COL13A1: variants seen among roughly 807,000 people sequenced by gnomAD.
COL13A1 encodes the protein collagen alpha-1(XIII) chain.
COL13A1 carries 89 observed loss-of-function variants against 130.9 expected under a neutral mutation model. The observed-to-expected ratio is 0.68, with a 90% CI of 0.57 to 0.81. COL13A1 has a LOEUF of 0.81. Ranked by LOEUF, COL13A1 falls within the 30% of genes least tolerant of loss-of-function variation. COL13A1 has a pLI of 0.00. For synonymous variants in COL13A1, 402 were observed against 341.6 expected (o/e 1.18, Z -1.95); for missense variants, 879 against 934.6 (o/e 0.94, Z 0.78).
chr10:69,865,688 A>G (rs2058449770), intron 2 of COL13A1, among the ~76,000 whole-genome samples: 1 of 152,212 alleles, frequency 6.6e-6, no homozygotes, highest in Non-Finnish European at 1.5e-5. Flanking sequence ...GGAAGAGCCA[A>G]ATTCCCTTGC....
chr10:69,844,629 C>T (rs998458265), intron 2 of COL13A1, among the ~76,000 whole-genome samples: 1 of 152,232 alleles, frequency 6.6e-6, no homozygotes, highest in Non-Finnish European at 1.5e-5. Flanking sequence ...GAAGGGTTAA[C>T]TAGCAATGTT....
chr10:69,928,901 G>A (rs2065735784), intron 27 of COL13A1, 36 bp from the exon 28 acceptor site: 2 of 1,557,064 alleles, frequency 1.3e-6, no homozygotes, highest in South Asian at 1.1e-5. Flanking sequence ...TCCTCCATGG[G>A]ACAGTTCTTC....
chr10:69,933,833 G>A (rs990633599), intron 31 of COL13A1, among the ~76,000 whole-genome samples: 14 of 152,118 alleles, frequency 9.2e-5, no homozygotes, highest in African/African-American at 2.7e-4. Context: ...TAGTCACCAC[G>A]TCTGAGCACT....
intron 30 of COL13A1, 148 bp downstream of exon 30, chr10:69,930,700 C>T: frequency 2.2e-6 from 2 of 911,706 alleles, no homozygotes; most frequent in Non-Finnish European, 3.2e-6. Flanking sequence ...ATTCACTCAG[C>T]TTCCCCTCAA....
chr10:69,877,821 C>G (rs2059755233), intron 5 of COL13A1, among the ~76,000 whole-genome samples: 1 of 152,136 alleles, frequency 6.6e-6, no homozygotes, highest in Non-Finnish European at 1.5e-5. Flanking sequence ...CACATTGCAG[C>G]AGCGCCTTCC....
At chr10:69,857,685 C>T (rs943546280) in intron 2 of COL13A1, among the ~76,000 whole-genome samples, 7 of 151,706 alleles carry the variant, frequency 4.6e-5, no homozygotes, top group African/African-American at 1.7e-4. Flanking sequence ...TTAGGGACTG[C>T]TGCCCTAGAA....
Position 69,905,782 on chromosome 10 carries a change from C to T in COL13A1, c.886-5C>T. On this transcript the variant is annotated splice_polypyrimidine_tract_variant and splice_region_variant and intron_variant, in intron 16 of 40. Transcript: ENST00000645393. ...TCTTTAATGGCCTTCTCTTTGTTTT[C>T]CCAGGGAGACCCAGGGATCCAGGGC... is the stretch of plus-strand genomic sequence containing the variant. The T allele has an allele frequency of 6.2e-7, 1 of 1,613,324 alleles. No homozygotes were observed. Among genetic ancestry groups the T allele is most frequent in the South Asian group, 1.1e-5 (1 of 90,796 alleles).
At chr10:69,841,609 T>C (rs975341864) in intron 2 of COL13A1, among the ~76,000 whole-genome samples, 2 of 152,128 alleles carry the variant, frequency 1.3e-5, no homozygotes, top group Admixed American at 6.5e-5. Flanking sequence ...GACTTACGGT[T>C]CAGTCAGGGA....
At chr10:69,910,229 G>A (rs565055717) in intron 17 of COL13A1, among the ~76,000 whole-genome samples, 1 of 151,910 alleles carries the variant, frequency 6.6e-6, no homozygotes, top group South Asian at 2.1e-4. Context: ...TAACACGAAG[G>A]GTGGCTTGGT....
chr10:69,887,446 T>A lies in COL13A1; in HGVS notation c.514-10T>A, dbSNP rs1455383671. On this transcript the variant is annotated splice_polypyrimidine_tract_variant and intron_variant, in intron 7 of 40. Coordinates refer to ENST00000645393, the MANE Select transcript of COL13A1 (RefSeq NM_001368882.1). ...TCAATCTCATGTGTCTCTTGTTTTTTTTTTTTCAGGGTCAACCAGGAACTA... is the reference window on the plus strand; with the variant it reads ...TCAATCTCATGTGTCTCTTGTTTTTATTTTTTCAGGGTCAACCAGGAACTA... The A allele has an allele frequency of 6.2e-7, 1 of 1,613,072 alleles. No homozygotes were observed. Among genetic ancestry groups the A allele is most frequent in the Non-Finnish European group, 8.5e-7 (1 of 1,179,646 alleles).
At chr10:69,821,433 A>G (rs112400720) in intron 1 of COL13A1, among the ~76,000 whole-genome samples, 2 of 152,316 alleles carry the variant, frequency 1.3e-5, no homozygotes, top group African/African-American at 4.8e-5. Flanking sequence ...CAAGTCCCTT[A>G]CCTGTGACAT....
At position 69,905,096 on chromosome 10, in the gene COL13A1, T is replaced by C. The variant is rs56314588; in HGVS notation, c.885+137T>C. 1.1e-3 allele frequency: 1,095 copies of C among 970,108 alleles called. 4 individuals are homozygous for C. In the Middle Eastern group the frequency reaches 0.019, roughly 17 times the overall value. 60.1% of individuals were successfully genotyped at this position (970,108 alleles called of 1,614,324 possible). Reference sequence around the variant, plus strand: ...AGAGACAGATCAAGCTTGACCCACTTACAAAACACCACCCTTCTCAGGAAC... The same window carrying C: ...AGAGACAGATCAAGCTTGACCCACTCACAAAACACCACCCTTCTCAGGAAC... On this transcript the variant is annotated intron_variant, in intron 16 of 40. Coordinates refer to ENST00000645393, the MANE Select transcript of COL13A1 (RefSeq NM_001368882.1).
chr10:69,956,592 G>C (rs1248183447), intron 39 of COL13A1: 1 of 188,140 alleles, frequency 5.3e-6, no homozygotes, highest in Non-Finnish European at 1.1e-5. Flanking sequence ...AAGGCCCTTA[G>C]CGGTCACATC....
chr10:69,931,552 A>G (rs1209949306), intron 30 of COL13A1, among the ~76,000 whole-genome samples: 1 of 152,186 alleles, frequency 6.6e-6, no homozygotes, highest in Non-Finnish European at 1.5e-5. Context: ...GGAAGTGGAA[A>G]GAGCCTCAGA....
Position 69,949,965 on chromosome 10 carries a change from C to CGTGT in COL13A1, c.2058+2637_2058+2640dup, listed in dbSNP as rs146294380. ...GTGTGTGTGCGTGTGTTTGTGTGTGCGTGTGTGTGTGTGTGTGCATGTGTT... is the reference window on the plus strand; with the variant it reads ...GTGTGTGTGCGTGTGTTTGTGTGTGCGTGTGTGTGTGTGTGTGTGTGCATGTGTT... On this transcript the variant is annotated intron_variant, in intron 38 of 40. Transcript: ENST00000645393. Among the ~76,000 whole-genome samples the CGTGT allele has an allele frequency of 1.0e-4, 9 of 87,686 alleles. 1 individual carries two copies. The highest frequency in any genetic ancestry group is 1.0e-3 in the South Asian group (3 of 2,964). 57.5% of individuals were successfully genotyped at this position (87,686 alleles called of 152,430 possible). A position where few individuals can be genotyped will look rare whatever the true frequency, so the allele number is the denominator to read the frequency against.
chr10:69,899,166 T>C (rs945291658), intron 14 of COL13A1, among the ~76,000 whole-genome samples: 6 of 152,268 alleles, frequency 3.9e-5, no homozygotes, highest in African/African-American at 1.4e-4. Flanking sequence ...TGGGGATTTG[T>C]ACCCAGTCTC....
At chr10:69,912,359 GC>G (rs911380593) in intron 17 of COL13A1, among the ~76,000 whole-genome samples, 2 of 152,292 alleles carry the variant, frequency 1.3e-5, no homozygotes, top group African/African-American at 4.8e-5. Flanking sequence ...TAGGATTTCC[GC>G]GGTTCCGGTC....
At chr10:69,919,220 A>T in intron 20 of COL13A1, 132 bp downstream of exon 20, 1 of 1,181,046 alleles carries the variant, frequency 8.5e-7, no homozygotes, top group Non-Finnish European at 1.2e-6. Context: ...TAAGCAGAGA[A>T]GGGCCCACTG....
rs368900565 is a variant in COL13A1 at position 69,830,766 on chromosome 10, C to T, written c.364+8328C>T. 5.3e-5 allele frequency among the ~76,000 whole-genome samples: 8 copies of T among 152,148 alleles called. No individual in the cohort carries two copies. In the East Asian group the frequency reaches 1.2e-3, roughly 22 times the overall value. Reference sequence around the variant, plus strand: ...GATGTAATTCCCATATACAATTGGTCGATTTAAAGTGTACAATTTGATGGG... The same window carrying T: ...GATGTAATTCCCATATACAATTGGTTGATTTAAAGTGTACAATTTGATGGG... On this transcript the variant is annotated intron_variant, in intron 2 of 40. Coordinates refer to ENST00000645393, the MANE Select transcript of COL13A1 (RefSeq NM_001368882.1).
Sources: gnomAD v4.1 joint callset for allele counts (sites outside exome capture counted in the v4.1 genomes callset) on GRCh38, gnomAD v4.1.1 for gene constraint, MANE v1.5 for transcripts, NCBI Gene and HGNC (gene_info 2026-07-23, HGNC 2026-07-21) for gene names.